The following PHF21A variants were observed in gnomAD, a reference collection of about 807,000 sequenced individuals.
PHF21A encodes BHC80a.
A neutral mutation model predicts 82.5 loss-of-function variants in PHF21A; 11 were observed. The observed-to-expected ratio is 0.13, with a 90% CI of 0.08 to 0.22. The LOEUF is 0.22. PHF21A is among the 10% of genes least tolerant of loss of function. PHF21A has a pLI of 1.00. For synonymous variants in PHF21A, 297 were observed against 302.8 expected (o/e 0.98, Z 0.20); for missense variants, 579 against 837.8 (o/e 0.69, Z 3.81).
intron 6 of PHF21A, among the ~76,000 whole-genome samples, chr11:46,030,822 TGTGTGTGC>T (rs1266702078): frequency 4.3e-4 from 49 of 112,702 alleles, no homozygotes; most frequent in African/African-American, 1.4e-3. Context: ...TGTGTGTGCG[TGTGTGTGC>T]GTGTGTGTGT....
intron 6 of PHF21A, among the ~76,000 whole-genome samples, chr11:46,038,886 T>G (rs1355285825): frequency 6.6e-6 from 1 of 152,138 alleles, no homozygotes; most frequent in Non-Finnish European, 1.5e-5. Flanking sequence ...TGCTGCCACA[T>G]TGGGGATTAA....
intron 6 of PHF21A, among the ~76,000 whole-genome samples, chr11:46,047,863 CATTATTAGGCTGGTATTCTT>C (rs960282424): frequency 6.6e-6 from 1 of 152,126 alleles, no homozygotes; most frequent in African/African-American, 2.4e-5. Context: ...AAGTTATTAC[CATTATTAGGCTGGTATTCTT>C]ATTGAAAATA....
intron 1 of PHF21A, among the ~76,000 whole-genome samples, chr11:46,111,157 AT>A (rs1488358916): frequency 6.6e-6 from 1 of 151,140 alleles, no homozygotes; most frequent in Non-Finnish European, 1.5e-5. Context: ...GGTTTGCTAT[AT>A]AAACAAGTAC....
chr11:46,098,263 C>A (rs567294978), intron 1 of PHF21A, among the ~76,000 whole-genome samples: 1 of 152,248 alleles, frequency 6.6e-6, no homozygotes, highest in East Asian at 1.9e-4. Context: ...GTAGTAAACA[C>A]TGATTATCTA....
At chr11:46,076,909 G>GCTTCGGGTTGCTTC in intron 5 of PHF21A, 90 bp from the exon 6 acceptor site, 1 of 1,011,518 alleles carries the variant, frequency 9.9e-7, no homozygotes, top group Non-Finnish European at 1.5e-6. Flanking sequence ...CATTACAAAT[G>GCTTCGGGTTGCTTC]ATGAAGCAAC....
intron 17 of PHF21A, 100 bp downstream of exon 17, chr11:45,936,394 T>A: frequency 2.7e-6 from 2 of 751,518 alleles, no homozygotes; most frequent in South Asian, 3.6e-5. Context: ...GGTTTTCATT[T>A]TTAAATTTAA....
intron 6 of PHF21A, among the ~76,000 whole-genome samples, chr11:46,071,088 T>C (rs1392969977): frequency 2.0e-5 from 3 of 152,254 alleles, no homozygotes; most frequent in African/African-American, 7.2e-5. Flanking sequence ...ATATCCTCTC[T>C]GTTTTAAAAT....
chr11:45,971,890 C>CTTTCTTTCTTTTTTTTTTTTTTTTTTTTT (rs57081937), intron 7 of PHF21A, among the ~76,000 whole-genome samples: 3 of 50,294 alleles, frequency 6.0e-5, no homozygotes, highest in African/African-American at 1.9e-4. Flanking sequence ...CTTTTTCTTT[C>CTTTCTTTCTTTTTTTTTTTTTTTTTTTTT]TTTTTTTTTT....
At chr11:45,948,208 A>G (rs1405327655) in intron 14 of PHF21A, among the ~76,000 whole-genome samples, 1 of 152,190 alleles carries the variant, frequency 6.6e-6, no homozygotes, top group East Asian at 1.9e-4. Flanking sequence ...AGCTGTTAAG[A>G]CCTATTTAGA....
chr11:46,098,295 T>C (rs920447026), intron 1 of PHF21A, among the ~76,000 whole-genome samples: 2 of 152,216 alleles, frequency 1.3e-5, no homozygotes, highest in Non-Finnish European at 2.9e-5. Flanking sequence ...GTGGTTGTAG[T>C]GTCTAAGTTC....
At chr11:46,108,176 T>C (rs1475324793) in intron 1 of PHF21A, among the ~76,000 whole-genome samples, 1 of 152,190 alleles carries the variant, frequency 6.6e-6, no homozygotes, top group Non-Finnish European at 1.5e-5. Flanking sequence ...GAAGAGAGAT[T>C]ACCAGTTTTT....
intron 11 of PHF21A, among the ~76,000 whole-genome samples, chr11:45,952,417 AT>A (rs1410571051): frequency 1.3e-5 from 2 of 152,010 alleles, no homozygotes; most frequent in African/African-American, 2.4e-5. Context: ...AATTTTGTTT[AT>A]TTTTTGCAGA....
intron 6 of PHF21A, chr11:46,049,632 C>T (rs192322758): frequency 4.6e-4 from 175 of 376,640 alleles, no homozygotes; most frequent in African/African-American, 3.6e-3. Flanking sequence ...CAGCACTCTC[C>T]TTGCTGGTTG....
chr11:46,008,761 AGATTT>A (rs1258198014), intron 6 of PHF21A, among the ~76,000 whole-genome samples: 2 of 152,142 alleles, frequency 1.3e-5, no homozygotes, highest in African/African-American at 2.4e-5. Context: ...AATTTTTGTT[AGATTT>A]AAGTAAATAA....
intron 10 of PHF21A, among the ~76,000 whole-genome samples, chr11:45,957,418 A>G (rs2092720019): frequency 6.6e-6 from 1 of 152,196 alleles, no homozygotes; most frequent in African/African-American, 2.4e-5. Flanking sequence ...TAGAAAGACT[A>G]GAATCACATA....
At chr11:46,032,139 C>T (rs1170037714) in intron 6 of PHF21A, among the ~76,000 whole-genome samples, 1 of 152,202 alleles carries the variant, frequency 6.6e-6, no homozygotes, top group Non-Finnish European at 1.5e-5. Context: ...GAGCAATGTC[C>T]TGTGTCCTTA....
At chr11:46,060,899 G>A (rs909577203) in intron 6 of PHF21A, among the ~76,000 whole-genome samples, 4 of 152,144 alleles carry the variant, frequency 2.6e-5, no homozygotes, top group African/African-American at 9.7e-5. Context: ...CTTATGTCCT[G>A]AATGGTATTG....
chr11:46,074,046 T>C (rs1006503109), intron 6 of PHF21A, among the ~76,000 whole-genome samples: 1 of 151,968 alleles, frequency 6.6e-6, no homozygotes, highest in Non-Finnish European at 1.5e-5. Context: ...TATCAAAGAT[T>C]GAAGTGGCAA....
chr11:45,970,977 A>G, intron 8 of PHF21A, 139 bp downstream of exon 8: 2 of 1,043,458 alleles, frequency 1.9e-6, no homozygotes, highest in Non-Finnish European at 2.7e-6. Flanking sequence ...TTCCCTTGTC[A>G]GCCCCAAAGG....
Sources: allele counts gnomAD v4.1 joint callset (sites outside exome capture counted in the v4.1 genomes callset), GRCh38; gene constraint gnomAD v4.1.1; transcripts MANE v1.5; gene names NCBI Gene and HGNC (gene_info 2026-07-23, HGNC 2026-07-21).